The following ERCC8 variants were observed in gnomAD, a reference collection of about 807,000 sequenced individuals.
The protein encoded by ERCC8 is DNA excision repair protein ERCC-8.
ERCC8 carries 52 observed loss-of-function variants against 54.9 expected under a neutral mutation model. The observed-to-expected ratio is 0.95, with a 90% CI of 0.76 to 1.19. ERCC8 has a LOEUF of 1.19. Among genes scored for constraint, ERCC8 ranks in the 50% most tolerant of loss-of-function variants. The pLI, the probability that ERCC8 is intolerant of heterozygous loss-of-function variation, is 0.00. For synonymous variants in ERCC8, 146 were observed against 157.2 expected (o/e 0.93, Z 0.53); for missense variants, 514 against 466.1 (o/e 1.10, Z -0.95).
At position 60,922,117 on chromosome 5, in the gene ERCC8, T is replaced by TA; in HGVS notation, c.211dup (p.Tyr71LeufsTer2). ...TTGTCTGCTGGAGTTCTCAAGGTCA[T>TA]AAAGTACAATCACACCATCTGAACC... On this transcript the variant is annotated frameshift_variant, in exon 3 of 12. Coordinates refer to ENST00000676185, the MANE Select transcript of ERCC8 (RefSeq NM_000082.4). LOFTEE classifies it high-confidence loss of function. 1 of 1,610,630 alleles carries TA rather than the reference T, an allele frequency of 6.2e-7. No homozygotes were observed. Among genetic ancestry groups the TA allele is most frequent in the Non-Finnish European group, 8.5e-7 (1 of 1,177,732 alleles).
intron 1 of ERCC8, among the ~76,000 whole-genome samples, chr5:60,941,686 A>G (rs1423696481): frequency 6.6e-6 from 1 of 152,202 alleles, no homozygotes; most frequent in Non-Finnish European, 1.5e-5. Flanking sequence ...AAAAATGATA[A>G]ATTACCTATA....
chr5:60,893,526 A>C, intron 9 of ERCC8: 1 of 769,166 alleles, frequency 1.3e-6, no homozygotes, highest in Non-Finnish European at 2.3e-6. Context: ...GGCTTCTTAC[A>C]GCCCTTGGAA....
chr5:60,914,789 TAAAA>T (rs55638584), intron 4 of ERCC8, among the ~76,000 whole-genome samples: 1 of 121,340 alleles, frequency 8.2e-6, no homozygotes, highest in African/African-American at 3.2e-5. Context: ...TCTTGTCTCT[TAAAA>T]AAAAAAAAAA....
chr5:60,890,802 A>G (rs1278188494), intron 10 of ERCC8, 87 bp downstream of exon 10: 1 of 975,568 alleles, frequency 1.0e-6, no homozygotes, highest in Non-Finnish European at 1.6e-6. Context: ...ATAACTCCTC[A>G]GAATAAAATC....
intron 11 of ERCC8, among the ~76,000 whole-genome samples, chr5:60,881,770 T>A (rs931567385): frequency 7.2e-5 from 11 of 152,136 alleles, no homozygotes; most frequent in African/African-American, 2.7e-4. Context: ...CCCCTTTCTG[T>A]GACTAAGAAA....
At chr5:60,944,714 C>T (rs10055204) in intron 1 of ERCC8, among the ~76,000 whole-genome samples, 2 of 39,690 alleles carry the variant, frequency 5.0e-5, no homozygotes, top group Non-Finnish European at 1.2e-4. Context: ...AACCCCCCCC[C>T]CACCCCCGGG....
chr5:60,926,450 G>T (rs1749753939), intron 2 of ERCC8, among the ~76,000 whole-genome samples: 1 of 152,088 alleles, frequency 6.6e-6, no homozygotes, highest in South Asian at 2.1e-4. Flanking sequence ...TTATAGACTT[G>T]TTTTTAAGAT....
chr5:60,903,096 A>G (rs1748948712), intron 6 of ERCC8, among the ~76,000 whole-genome samples: 1 of 151,928 alleles, frequency 6.6e-6, no homozygotes, highest in Admixed American at 6.6e-5. Flanking sequence ...TATCTCATCA[A>G]CTTTTCTTAA....
rs1579975336 is a variant in ERCC8 at position 60,870,193 on chromosome 5, A to C, written c.*4422T>G. 6.6e-6 allele frequency among the ~76,000 whole-genome samples: 1 copy of C among 152,252 alleles called. No homozygotes were observed. Among genetic ancestry groups the C allele is most frequent in the African/African-American group, 2.4e-5 (1 of 41,542 alleles). On this transcript the variant is annotated 3_prime_UTR_variant, in exon 12 of 12. Coordinates refer to ENST00000676185, the MANE Select transcript of ERCC8 (RefSeq NM_000082.4). ...TATCACAGTCAGGCCTGAATTAGTAACCTTGAATATCAAACACAAACTCTC... is the reference window on the plus strand; with the variant it reads ...TATCACAGTCAGGCCTGAATTAGTACCCTTGAATATCAAACACAAACTCTC...
chr5:60,910,994 A>G (rs1250850387), intron 4 of ERCC8, among the ~76,000 whole-genome samples: 2 of 152,150 alleles, frequency 1.3e-5, no homozygotes, highest in African/African-American at 4.8e-5. Context: ...AAAAAAATAG[A>G]TACTTTGTAT....
intron 4 of ERCC8, 62 bp downstream of exon 4, chr5:60,918,203 G>A: frequency 1.6e-6 from 2 of 1,267,552 alleles, no homozygotes; most frequent in Non-Finnish European, 1.1e-6. Context: ...ATACTAAAAT[G>A]GTTTAGGATT....
intron 9 of ERCC8, chr5:60,892,411 G>T: frequency 1.8e-6 from 1 of 547,052 alleles, no homozygotes. Context: ...CAAAGAACTT[G>T]GTCATTTCCT....
At chr5:60,938,268 G>A (rs1216125890) in intron 1 of ERCC8, among the ~76,000 whole-genome samples, 1 of 150,318 alleles carries the variant, frequency 6.7e-6, no homozygotes, top group Non-Finnish European at 1.5e-5. Context: ...ACATGAGGTG[G>A]TGGTGATGTT....
At position 60,898,335 on chromosome 5, in the gene ERCC8, T is replaced by C. The variant is rs1413453237; in HGVS notation, c.784A>G (p.Thr262Ala). Residue 262 changes from threonine to alanine, a missense_variant, in exon 9 of 12, where the codon ACT becomes GCT. Thr to Ala is a moderately conservative substitution (Grantham distance 58). Transcript: ENST00000676185. Reference protein sequence around the residue: ...CFTSDGLHLLTVGTDNRMRLW... With the variant: ...CFTSDGLHLLAVGTDNRMRLW... ...CTCATTCGATTATCTGTACCAACAG[T>C]GAGGAGGTGAAGTCCATCACTTGTA... is the stretch of plus-strand genomic sequence containing the variant. The C allele has an allele frequency of 7.4e-6, 12 of 1,613,402 alleles. No homozygotes were observed. Among genetic ancestry groups the C allele is most frequent in the Non-Finnish European group, 1.0e-5 (12 of 1,179,588 alleles).
intron 11 of ERCC8, among the ~76,000 whole-genome samples, chr5:60,877,833 TTCC>T (rs1348437080): frequency 1.3e-5 from 2 of 152,236 alleles, no homozygotes; most frequent in Non-Finnish European, 2.9e-5. Flanking sequence ...ACAATTTGAC[TTCC>T]TCTTTTCCTA....
rs531593803 is a variant in ERCC8 at position 60,876,884 on chromosome 5, A to G, written c.1123-2201T>C. 3.3e-3 allele frequency among the ~76,000 whole-genome samples: 506 copies of G among 152,188 alleles called. 2 individuals are homozygous for G. Among genetic ancestry groups the G allele is most frequent in the African/African-American group, 0.012 (487 of 41,522 alleles). On this transcript the variant is annotated intron_variant, in intron 11 of 11. Coordinates refer to ENST00000676185, the MANE Select transcript of ERCC8 (RefSeq NM_000082.4). ...TGCTGTGCAGAAGCTCTTTAGTTTA[A>G]TTAGATCCCATTTGTCAATTTTGGC... is the stretch of plus-strand genomic sequence containing the variant.
chr5:60,883,082 A>C (rs1056351878), intron 11 of ERCC8, among the ~76,000 whole-genome samples: 2 of 152,124 alleles, frequency 1.3e-5, no homozygotes, highest in Non-Finnish European at 2.9e-5. Flanking sequence ...AACCTATTAA[A>C]AATTTTAATT....
At chr5:60,903,781 T>C in intron 5 of ERCC8, 65 bp from the exon 6 acceptor site, 4 of 1,462,126 alleles carry the variant, frequency 2.7e-6, no homozygotes, top group Non-Finnish European at 3.8e-6. Context: ...AAACAAGACA[T>C]TATCATTAGT....
At chr5:60,944,018 G>T (rs1288845980) in intron 1 of ERCC8, among the ~76,000 whole-genome samples, 5 of 152,158 alleles carry the variant, frequency 3.3e-5, no homozygotes, top group African/African-American at 1.2e-4. Flanking sequence ...TATCTTCACA[G>T]GTTCCTCAAT....
Sources: gnomAD v4.1 joint callset for allele counts (sites outside exome capture counted in the v4.1 genomes callset) on GRCh38, gnomAD v4.1.1 for gene constraint, MANE v1.5 for transcripts, NCBI Gene and HGNC (gene_info 2026-07-23, HGNC 2026-07-21) for gene names.